The following STIL variants were observed in gnomAD, a reference collection of about 807,000 sequenced individuals.
The protein encoded by STIL is STIL centriolar assembly protein, also known as SCL-interrupting locus protein.
In STIL, 55 loss-of-function variants were observed where a neutral mutation model predicts 110.1. The ratio of observed to expected loss-of-function variants is 0.50; its 90% confidence interval spans 0.40 to 0.63. The LOEUF is 0.63. Among genes scored for constraint, STIL ranks in the 20% least tolerant of loss-of-function variants. The pLI, the probability that STIL is intolerant of heterozygous loss-of-function variation, is 0.00. For missense variants in STIL, 1,358 were observed against 1,530.0 expected (o/e 0.89, Z 1.87); for synonymous variants, 481 against 530.0 (o/e 0.91, Z 1.27).
intron 7 of STIL, among the ~76,000 whole-genome samples, chr1:47,295,085 C>T (rs1353614494): frequency 1.3e-5 from 2 of 151,978 alleles, no homozygotes; most frequent in African/African-American, 2.4e-5. Context: ...CCATGCCTGG[C>T]TAATTTTTTG....
chr1:47,300,272 T>C (rs1645765615), intron 5 of STIL, 120 bp from the exon 6 acceptor site: 2 of 1,006,838 alleles, frequency 2.0e-6, no homozygotes, highest in Admixed American at 2.8e-5. Context: ...ATTAAATGAG[T>C]TCTGATTTAC....
At chr1:47,266,155 C>T (rs2148805148) in intron 14 of STIL, among the ~76,000 whole-genome samples, 1 of 152,280 alleles carries the variant, frequency 6.6e-6, no homozygotes, top group Admixed American at 6.5e-5. Context: ...TATACTGTGG[C>T]ACACACAATG....
chr1:47,253,143 C>A (rs1199552528), intron 16 of STIL, among the ~76,000 whole-genome samples: 3 of 152,166 alleles, frequency 2.0e-5, no homozygotes, highest in Non-Finnish European at 2.9e-5. Flanking sequence ...GTTATATATG[C>A]CAGGTACTCT....
At chr1:47,276,105 C>T (rs1226660258) in intron 12 of STIL, among the ~76,000 whole-genome samples, 1 of 151,510 alleles carries the variant, frequency 6.6e-6, no homozygotes, top group Non-Finnish European at 1.5e-5. Flanking sequence ...GAGGTTCAAG[C>T]GATTCTCATG....
At chr1:47,298,968 C>G (rs551704453) in intron 6 of STIL, among the ~76,000 whole-genome samples, 1 of 150,858 alleles carries the variant, frequency 6.6e-6, no homozygotes, top group African/African-American at 2.4e-5. Context: ...TGAGGCTAGT[C>G]TTGAACTCCT....
At chr1:47,273,651 C>T (rs1644904798) in intron 12 of STIL, among the ~76,000 whole-genome samples, 1 of 152,184 alleles carries the variant, frequency 6.6e-6, no homozygotes, top group South Asian at 2.1e-4. Context: ...AATAATGCTA[C>T]TTGGACATTT....
At chr1:47,271,558 C>CAAAAAAAAAA (rs35926663) in intron 13 of STIL, among the ~76,000 whole-genome samples, 1 of 85,620 alleles carries the variant, frequency 1.2e-5, no homozygotes, top group Non-Finnish European at 2.2e-5. Flanking sequence ...GACTCCGTCT[C>CAAAAAAAAAA]AAAAAAAAAA....
In STIL at chr1:47,301,731, A is replaced by G. The variant is rs186741500; in HGVS notation, c.283T>C (p.Leu95=). 93 of 1,613,998 alleles carry G rather than the reference A, an allele frequency of 5.8e-5. No individual in the cohort carries two copies. The highest frequency in any genetic ancestry group is 7.8e-5 in the Non-Finnish European group (92 of 1,179,998). ...TADEDEEGVT[L]TVDRFDPGRE... ...CCAGGATCAAAGCGATCTACTGTCA[A>G]TGTTACACCTTCTTCATCTGTAGAA... The change falls in exon 5 of 17, where the codon TTG becomes CTG. Residue 95 remains leucine (L), a synonymous_variant. Coordinates refer to ENST00000371877, the MANE Select transcript of STIL (RefSeq NM_001048166.1).
intron 16 of STIL, among the ~76,000 whole-genome samples, chr1:47,252,268 A>G (rs1279875436): frequency 1.3e-5 from 2 of 152,080 alleles, no homozygotes; most frequent in Non-Finnish European, 2.9e-5. Flanking sequence ...TATAGTCCCA[A>G]CTACTCAAGA....
At chr1:47,253,126 C>G (rs562124103) in intron 16 of STIL, among the ~76,000 whole-genome samples, 1 of 152,276 alleles carries the variant, frequency 6.6e-6, no homozygotes, top group South Asian at 2.1e-4. Flanking sequence ...CTGCTAATTA[C>G]TGAGTCGTTA....
chr1:47,250,892 T>C lies in STIL; in HGVS notation c.*244A>G, dbSNP rs1400485922. 2.7e-5 allele frequency: 13 copies of C among 485,256 alleles called. No individual in the cohort carries two copies. Among genetic ancestry groups the C allele is most frequent in the Admixed American group, 2.3e-4 (6 of 26,252 alleles). 30.1% of individuals were successfully genotyped at this position (485,256 alleles called of 1,614,324 possible). A position where few individuals can be genotyped will look rare whatever the true frequency, so the allele number is the denominator to read the frequency against. The stretch of plus-strand genomic sequence containing the variant: ...AGTATCTGTCTACTACTTAAACTTG[T>C]AGGAATAACTGATCTCAGGGCTTTT... On this transcript the variant is annotated 3_prime_UTR_variant, in exon 17 of 17. Coordinates refer to ENST00000371877, the MANE Select transcript of STIL (RefSeq NM_001048166.1).
intron 8 of STIL, 125 bp from the exon 9 acceptor site, chr1:47,289,710 C>A: frequency 1.1e-6 from 1 of 898,834 alleles, no homozygotes; most frequent in Non-Finnish European, 1.8e-6. Flanking sequence ...TGTTCAAAAA[C>A]TGGGGTCCAC....
At chr1:47,299,205 G>A (rs1173395896) in intron 6 of STIL, among the ~76,000 whole-genome samples, 1 of 151,194 alleles carries the variant, frequency 6.6e-6, no homozygotes, top group Non-Finnish European at 1.5e-5. Flanking sequence ...AAAATTAGCC[G>A]GTGTAGTGGC....
At chr1:47,277,034 G>A (rs534370837) in intron 12 of STIL, among the ~76,000 whole-genome samples, 2 of 152,064 alleles carry the variant, frequency 1.3e-5, no homozygotes, top group South Asian at 2.1e-4. Context: ...ATTAAGCAAC[G>A]ATTACACATC....
intron 6 of STIL, among the ~76,000 whole-genome samples, chr1:47,298,196 T>C (rs1489983908): frequency 2.6e-5 from 4 of 152,148 alleles, no homozygotes; most frequent in Admixed American, 6.6e-5. Flanking sequence ...CATTTTTAGA[T>C]TGAATGGCCT....
intron 12 of STIL, among the ~76,000 whole-genome samples, chr1:47,274,853 A>G (rs1159803636): frequency 1.3e-5 from 2 of 152,096 alleles, no homozygotes; most frequent in Non-Finnish European, 2.9e-5. Context: ...TCATTATACA[A>G]TAAAAAATGC....
intron 2 of STIL, among the ~76,000 whole-genome samples, chr1:47,307,344 A>C (rs1342186031): frequency 6.6e-6 from 1 of 152,176 alleles, no homozygotes; most frequent in African/African-American, 2.4e-5. Context: ...CCCCAAATGG[A>C]GGGACCGGCC....
At chr1:47,309,804 C>A (rs1375269780) in intron 2 of STIL, among the ~76,000 whole-genome samples, 4 of 152,112 alleles carry the variant, frequency 2.6e-5, no homozygotes, top group African/African-American at 9.7e-5. Context: ...ACTTGGTATA[C>A]CTAATGTGAA....
chr1:47,257,366 C>T (rs550665163), intron 16 of STIL, among the ~76,000 whole-genome samples: 12 of 152,144 alleles, frequency 7.9e-5, no homozygotes, highest in South Asian at 2.1e-4. Context: ...TGATGGCACA[C>T]GCCTGTGGTC....
Sources: allele counts gnomAD v4.1 joint callset (sites outside exome capture counted in the v4.1 genomes callset), GRCh38; gene constraint gnomAD v4.1.1; transcripts MANE v1.5; gene names NCBI Gene and HGNC (gene_info 2026-07-23, HGNC 2026-07-21).